DISC1: variants seen among roughly 807,000 people sequenced by gnomAD.
DISC1 encodes DISC1 scaffold protein.
Under a neutral mutation model 84.5 loss-of-function variants are expected in DISC1, and 57 were observed. The observed-to-expected ratio is 0.67, with a 90% CI of 0.55 to 0.84. DISC1 has a LOEUF of 0.84. Ranked by LOEUF, DISC1 falls within the 40% of genes least tolerant of loss-of-function variation. DISC1 has a pLI of 0.00. For synonymous variants in DISC1, 411 were observed against 415.2 expected (o/e 0.99, Z 0.12); for missense variants, 1,000 against 1,057.8 (o/e 0.95, Z 0.76).
At chr1:231,851,370 G>A (rs1156263408) in intron 9 of DISC1, among the ~76,000 whole-genome samples, 2 of 152,134 alleles carry the variant, frequency 1.3e-5, no homozygotes, top group African/African-American at 4.8e-5. Flanking sequence ...ATGATTACCT[G>A]TACCTACTGA....
intron 3 of DISC1, among the ~76,000 whole-genome samples, chr1:231,712,768 G>A (rs1332400433): frequency 6.6e-6 from 1 of 152,142 alleles, no homozygotes; most frequent in Non-Finnish European, 1.5e-5. Flanking sequence ...ACATAGGCTG[G>A]AAAAATGGCA....
In DISC1 at chr1:232,009,022, G is replaced by C. The variant is rs774712766; in HGVS notation, c.2280G>C (p.Leu760=). The C allele has an allele frequency of 6.2e-7, 1 of 1,613,848 alleles. No individual in the cohort carries two copies. Among genetic ancestry groups the C allele is most frequent in the South Asian group, 1.1e-5 (1 of 91,078 alleles). ...GGAAGACTCACCTCATCCCCTCTCT[G>C]CACTGTGCTGGAGGTGAACAGAAAG... is the stretch of plus-strand genomic sequence containing the variant. ...EEWKTHLIPS[L]HCAGGEQKEE... Residue 760 remains leucine (L), a synonymous_variant, in exon 11 of 13, where the codon CTG becomes CTC. Transcript: ENST00000439617. This position sits in a 1 kb window ranked among gnomAD's most constrained non-coding sequence, Gnocchi z 4.6.
chr1:231,819,414 G>T (rs572074652), intron 9 of DISC1, among the ~76,000 whole-genome samples: 11 of 152,258 alleles, frequency 7.2e-5, no homozygotes, highest in African/African-American at 2.2e-4. Flanking sequence ...GCATCAATTT[G>T]GGATGAATAA....
chr1:231,701,976 C>A lies in DISC1; in HGVS notation c.1069C>A (p.Leu357Ile). The part of the protein sequence containing the change: ...QMEVISLRLK[L>I]QKLQEDAVEN... ...ATAGGTAATATCCTTAAGATTAAAA[C>A]TTCAGAAACTTCAGGAAGATGCAGT... Residue 357 changes from leucine (L) to isoleucine (I), a missense_variant, in exon 3 of 13, where the codon CTT becomes ATT. By Grantham distance (5) the Leu-to-Ile change is conservative. This residue lies in a region of DISC1 where 311 missense variants were observed against 400.1 expected (regional missense o/e 0.78). Transcript: ENST00000439617. 1 of 1,605,360 alleles carries A rather than the reference C, an allele frequency of 6.2e-7. No individual in the cohort carries two copies. The highest frequency in any genetic ancestry group is 8.5e-7 in the Non-Finnish European group (1 of 1,175,722).
chr1:231,993,799 G>T (rs1665554284), intron 10 of DISC1, among the ~76,000 whole-genome samples: 1 of 152,190 alleles, frequency 6.6e-6, no homozygotes, highest in Admixed American at 6.5e-5. Flanking sequence ...TTGATGGGGA[G>T]CCCTGATAAC....
At chr1:231,651,350 C>T (rs940824183) in intron 1 of DISC1, among the ~76,000 whole-genome samples, 2 of 152,194 alleles carry the variant, frequency 1.3e-5, no homozygotes, top group Non-Finnish European at 2.9e-5. Context: ...TTGGAGTTTG[C>T]TGGAGGTCCA....
At chr1:231,885,873 T>G (rs1435902346) in intron 9 of DISC1, among the ~76,000 whole-genome samples, 1 of 152,190 alleles carries the variant, frequency 6.6e-6, no homozygotes, top group Non-Finnish European at 1.5e-5. Flanking sequence ...GTTGTCCTAG[T>G]CTCTGTCTTT....
intron 11 of DISC1, among the ~76,000 whole-genome samples, chr1:232,016,853 C>T (rs6690221): frequency 0.039 from 5,937 of 152,184 alleles, 318 homozygotes; most frequent in African/African-American, 0.13. Flanking sequence ...AAAAGAAATA[C>T]GCAGTTACTC....
intron 3 of DISC1, among the ~76,000 whole-genome samples, chr1:231,729,419 G>A (rs550371779): frequency 1.3e-5 from 2 of 152,316 alleles, no homozygotes; most frequent in East Asian, 1.9e-4. Flanking sequence ...ATCGTATAGA[G>A]GCATATTGGA....
chr1:231,707,050 C>T (rs2124966317), intron 3 of DISC1, among the ~76,000 whole-genome samples: 1 of 152,290 alleles, frequency 6.6e-6, no homozygotes, highest in African/African-American at 2.4e-5. Flanking sequence ...TTCCTTTTCC[C>T]TGCGTTTCAT....
At chr1:231,781,646 A>G (rs1010365302) in intron 6 of DISC1, among the ~76,000 whole-genome samples, 20 of 152,188 alleles carry the variant, frequency 1.3e-4, no homozygotes, top group Non-Finnish European at 2.1e-4. Context: ...ACCGTTCTGT[A>G]CTTAATTTCT....
chr1:231,700,223 G>A (rs2066241242), intron 2 of DISC1, among the ~76,000 whole-genome samples: 1 of 152,074 alleles, frequency 6.6e-6, no homozygotes, highest in African/African-American at 2.4e-5. Context: ...GAGCTGCAAG[G>A]GTCACTTATA....
At chr1:231,952,420 T>C (rs886447604) in intron 9 of DISC1, among the ~76,000 whole-genome samples, 2 of 152,082 alleles carry the variant, frequency 1.3e-5, no homozygotes, top group Non-Finnish European at 2.9e-5. Flanking sequence ...TGGGAAGGAC[T>C]GAACTCTGTT....
intron 1 of DISC1, chr1:231,685,197 G>T (rs911529266): frequency 6.6e-6 from 1 of 152,152 alleles, no homozygotes; most frequent in Admixed American, 6.5e-5. Flanking sequence ...TCTCTCTTGC[G>T]CTATCTTCAT....
chr1:231,745,622 T>G (rs1366589372), intron 3 of DISC1: 2 of 154,830 alleles, frequency 1.3e-5, no homozygotes, highest in Non-Finnish European at 2.9e-5. Flanking sequence ...TCTCTATTGC[T>G]GTAGAACACT....
At chr1:231,638,861 G>C (rs1376661660) in intron 1 of DISC1, among the ~76,000 whole-genome samples, 2 of 152,186 alleles carry the variant, frequency 1.3e-5, no homozygotes, top group Non-Finnish European at 2.9e-5. Flanking sequence ...AGCAGGGAAA[G>C]TGTGAATCAT....
At chr1:231,760,732 C>T (rs2075579394) in intron 4 of DISC1, among the ~76,000 whole-genome samples, 2 of 152,204 alleles carry the variant, frequency 1.3e-5, no homozygotes, top group Non-Finnish European at 1.5e-5. Context: ...GATTTTCTCA[C>T]AGGTGGATTT....
At chr1:231,925,551 C>T (rs191960342) in intron 9 of DISC1, among the ~76,000 whole-genome samples, 129 of 152,292 alleles carry the variant, frequency 8.5e-4, no homozygotes, top group Non-Finnish European at 1.6e-3. Context: ...CCTATTAAGC[C>T]TGTAATGGGG....
chr1:231,987,138 C>T (rs1288517442), intron 10 of DISC1, among the ~76,000 whole-genome samples: 3 of 152,194 alleles, frequency 2.0e-5, no homozygotes, highest in Non-Finnish European at 2.9e-5. Context: ...TGTTTGCTCT[C>T]TGGTGGAGTG....
Sources: allele counts gnomAD v4.1 joint callset (sites outside exome capture counted in the v4.1 genomes callset), GRCh38; gene constraint gnomAD v4.1.1; regional missense constraint gnomAD v4.1.1; non-coding constraint Gnocchi (gnomAD v3.1); transcripts MANE v1.5; gene names NCBI Gene and HGNC (gene_info 2026-07-23, HGNC 2026-07-21).